The following CHCHD6 variants were observed in gnomAD, a reference collection of about 807,000 sequenced individuals.
The protein encoded by CHCHD6 is MICOS complex subunit MIC25.
CHCHD6 carries 28 observed loss-of-function variants against 32.3 expected under a neutral mutation model. That is an observed-to-expected ratio of 0.87 (90% CI 0.64 to 1.19). The LOEUF (loss-of-function observed/expected upper bound fraction) is 1.19. CHCHD6 is among the 50% of genes most tolerant of loss of function. The pLI, the probability that CHCHD6 is intolerant of heterozygous loss-of-function variation, is 0.00. For missense variants in CHCHD6, 333 were observed against 307.0 expected (o/e 1.08, Z -0.63); for synonymous variants, 122 against 117.5 (o/e 1.04, Z -0.25).
chr3:126,953,114 G>C (rs763312864), intron 6 of CHCHD6: 144 of 985,374 alleles, frequency 1.5e-4, no homozygotes, highest in Non-Finnish European at 1.7e-4. Flanking sequence ...GCTCTGTGGG[G>C]TGGGGTCCTC....
intron 5 of CHCHD6, among the ~76,000 whole-genome samples, chr3:126,890,031 T>G (rs891987518): frequency 1.2e-4 from 19 of 152,232 alleles, no homozygotes; most frequent in African/African-American, 4.6e-4. Flanking sequence ...TCCTTTCTCC[T>G]GTGGGCTGCA....
intron 4 of CHCHD6, among the ~76,000 whole-genome samples, chr3:126,820,954 A>G (rs1302503096): frequency 1.3e-5 from 2 of 152,140 alleles, no homozygotes; most frequent in African/African-American, 4.8e-5. Context: ...CCAGAACCCC[A>G]TGCCCATCAG....
chr3:126,934,587 C>T (rs4679306), intron 6 of CHCHD6, among the ~76,000 whole-genome samples: 104,020 of 136,112 alleles, frequency 0.76, 40,491 homozygotes, highest in East Asian at 0.99. Flanking sequence ...CTCGCTCTGT[C>T]GCCCAGGCTG....
intron 1 of CHCHD6, among the ~76,000 whole-genome samples, chr3:126,711,670 T>C (rs1201091179): frequency 6.6e-6 from 1 of 152,210 alleles, no homozygotes; most frequent in East Asian, 1.9e-4. Context: ...AGCATCTCCA[T>C]GCGCCCATTT....
At chr3:126,871,876 A>G (rs1256451791) in intron 5 of CHCHD6, among the ~76,000 whole-genome samples, 2 of 152,034 alleles carry the variant, frequency 1.3e-5, no homozygotes, top group Non-Finnish European at 2.9e-5. Flanking sequence ...CGTGTTAACC[A>G]GGATGGTCTC....
At chr3:126,709,712 C>T (rs763514222) in intron 1 of CHCHD6, among the ~76,000 whole-genome samples, 15 of 152,146 alleles carry the variant, frequency 9.9e-5, no homozygotes, top group African/African-American at 2.4e-4. Context: ...TGTATCTCAT[C>T]GTGGTTTGAA....
intron 5 of CHCHD6, among the ~76,000 whole-genome samples, chr3:126,868,051 C>G (rs1374193162): frequency 6.6e-6 from 1 of 152,244 alleles, no homozygotes; most frequent in East Asian, 1.9e-4. Flanking sequence ...CATCATCTGT[C>G]CCTGGAGCGC....
At chr3:126,946,658 A>G (rs2078643999) in intron 6 of CHCHD6, among the ~76,000 whole-genome samples, 1 of 152,206 alleles carries the variant, frequency 6.6e-6, no homozygotes, top group South Asian at 2.1e-4. Context: ...TGAGTGGCAC[A>G]TCGTCAATAG....
intron 4 of CHCHD6, among the ~76,000 whole-genome samples, chr3:126,809,376 T>G (rs1939559690): frequency 6.6e-6 from 1 of 152,202 alleles, no homozygotes; most frequent in Non-Finnish European, 1.5e-5. Context: ...TTCTGTCTCC[T>G]TTTACAGTTC....
intron 4 of CHCHD6, among the ~76,000 whole-genome samples, chr3:126,821,361 A>T (rs773926794): frequency 6.6e-6 from 1 of 152,212 alleles, no homozygotes; most frequent in Non-Finnish European, 1.5e-5. Context: ...CAGTGGCACA[A>T]TCTTGGCTCA....
At chr3:126,922,333 T>C (rs2078262540) in intron 6 of CHCHD6, among the ~76,000 whole-genome samples, 1 of 152,206 alleles carries the variant, frequency 6.6e-6, no homozygotes, top group South Asian at 2.1e-4. Flanking sequence ...CCTCTCAGAC[T>C]CAGTTTCCCG....
At chr3:126,752,972 C>T (rs1936791325) in intron 4 of CHCHD6, among the ~76,000 whole-genome samples, 1 of 152,086 alleles carries the variant, frequency 6.6e-6, no homozygotes, top group African/African-American at 2.4e-5. Flanking sequence ...TGCCAGGTAC[C>T]CGAGGTTAAG....
Position 126,733,100 on chromosome 3 carries a change from A to C in CHCHD6, c.289A>C (p.Ile97Leu), listed in dbSNP as rs1181333539. 6.2e-7 allele frequency: 1 copy of C among 1,614,098 alleles called. No homozygotes were observed. Among genetic ancestry groups the C allele is most frequent in the South Asian group, 1.1e-5 (1 of 91,096 alleles). ...VKRYEQEHAA[I>L]QDKLFQVAKR... is the part of the protein sequence containing the mutation. The stretch of plus-strand genomic sequence containing the variant: ...CAGGTATGAACAGGAGCATGCTGCT[A>C]TCCAGGATAAGCTCTTCCAGGTGGC... The change falls in exon 4 of 8, where the codon ATC becomes CTC. Residue 97 changes from isoleucine (I) to leucine (L), a missense_variant. By Grantham distance (5) the Ile-to-Leu change is conservative. Coordinates refer to ENST00000290913, the MANE Select transcript of CHCHD6 (RefSeq NM_032343.3).
chr3:126,850,054 A>G (rs1941419206), intron 4 of CHCHD6, among the ~76,000 whole-genome samples: 1 of 152,086 alleles, frequency 6.6e-6, no homozygotes, highest in African/African-American at 2.4e-5. Flanking sequence ...ACACACAGGC[A>G]TTTGTGTCAT....
At chr3:126,820,850 G>A (rs1940117934) in intron 4 of CHCHD6, among the ~76,000 whole-genome samples, 2 of 152,180 alleles carry the variant, frequency 1.3e-5, no homozygotes, top group African/African-American at 4.8e-5. Context: ...CTATTCTAGT[G>A]GAGATGCAGT....
intron 4 of CHCHD6, among the ~76,000 whole-genome samples, chr3:126,841,527 C>G (rs531230797): frequency 1.0e-3 from 152 of 152,194 alleles, no homozygotes; most frequent in Non-Finnish European, 1.8e-3. Context: ...TTAGACCCAT[C>G]ATGGATCTTG....
At chr3:126,934,412 G>C (rs2078447932) in intron 6 of CHCHD6, among the ~76,000 whole-genome samples, 1 of 152,024 alleles carries the variant, frequency 6.6e-6, no homozygotes. Context: ...TGCCTCTGGG[G>C]TCATTAGTCC....
At chr3:126,803,766 G>C (rs755805269) in intron 4 of CHCHD6, among the ~76,000 whole-genome samples, 1 of 152,068 alleles carries the variant, frequency 6.6e-6, no homozygotes, top group South Asian at 2.1e-4. Flanking sequence ...ATACATTTTT[G>C]TCAGCACCAC....
chr3:126,794,206 C>T (rs972647332), intron 4 of CHCHD6, among the ~76,000 whole-genome samples: 4 of 151,656 alleles, frequency 2.6e-5, no homozygotes, highest in African/African-American at 9.7e-5. Context: ...TTCTCCTTTC[C>T]TCTAGGACTG....
Sources: gnomAD v4.1 joint callset for allele counts (sites outside exome capture counted in the v4.1 genomes callset) on GRCh38, gnomAD v4.1.1 for gene constraint, MANE v1.5 for transcripts, NCBI Gene and HGNC (gene_info 2026-07-23, HGNC 2026-07-21) for gene names.